Variants in SCUBE2 observed in about 807,000 individuals in gnomAD.
SCUBE2 encodes signal peptide, CUB domain and EGF like domain containing 2, also known as signal peptide, CUB and EGF-like domain-containing protein 2.
SCUBE2 carries 114 observed loss-of-function variants against 125.9 expected under a neutral mutation model. The observed-to-expected ratio is 0.91, with a 90% confidence interval of 0.78 to 1.06. The LOEUF (loss-of-function observed/expected upper bound fraction) is 1.06. SCUBE2 is among the 50% of genes least tolerant of loss of function. SCUBE2 has a pLI of 0.00. For missense variants in SCUBE2, 1,255 were observed against 1,301.8 expected, an observed-to-expected ratio of 0.96 and a Z score of 0.55; for synonymous variants, 459 against 492.9, an observed-to-expected ratio of 0.93 and a Z score of 0.91.
At chr11:9,045,256 A>G (rs568612790) in intron 16 of SCUBE2, among the ~76,000 whole-genome samples, 2 of 152,262 alleles carry the variant, frequency 1.3e-5, no homozygotes, top group South Asian at 4.1e-4. Context: ...AGCAAACTAT[A>G]ACAGTGATTA....
rs756779760 is a variant in SCUBE2 at position 9,069,508 on chromosome 11, A to G, written c.518-13T>C. On this transcript the variant is annotated splice_polypyrimidine_tract_variant and intron_variant, in intron 4 of 22. Coordinates refer to ENST00000649792, the MANE Select transcript of SCUBE2 (RefSeq NM_001367977.2). ...CAGCTCAGGCCCTCTGAAAAACAGC[A>G]GTGTGCGACAGGTGACTAGGCTGTG... is the stretch of plus-strand genomic sequence containing the variant. 2.5e-6 allele frequency: 4 copies of G among 1,613,996 alleles called. No individual in the cohort carries two copies. The South Asian group carries it at 4.4e-5, about 18-fold the overall frequency.
At chr11:9,033,513 G>C in intron 17 of SCUBE2, 113 bp downstream of exon 17, 2 of 1,269,942 alleles carry the variant, frequency 1.6e-6, no homozygotes, top group Non-Finnish European at 1.1e-6. Context: ...CGTGGTCCCT[G>C]CTTGTAGGAA....
At chr11:9,064,407 A>C (rs558489283) in intron 7 of SCUBE2, 1 of 151,562 alleles carries the variant, frequency 6.6e-6, no homozygotes, top group East Asian at 1.9e-4. Context: ...CGGAGGTTGC[A>C]GTGAGATATG....
intron 6 of SCUBE2, 86 bp from the exon 7 acceptor site, chr11:9,066,066 G>T: frequency 1.1e-6 from 1 of 873,264 alleles, no homozygotes; most frequent in Non-Finnish European, 1.9e-6. Flanking sequence ...TGAAATCCCA[G>T]ACATAAGAGG....
At chr11:9,027,605 T>G in intron 19 of SCUBE2, 44 bp from the exon 20 acceptor site, 1 of 1,559,700 alleles carries the variant, frequency 6.4e-7, no homozygotes, top group Admixed American at 1.7e-5. Flanking sequence ...CACTGTCATC[T>G]CTGTCCTGAC....
At chr11:9,047,598 A>C (rs1356696382) in intron 15 of SCUBE2, 36 bp from the exon 16 acceptor site, 1 of 1,597,526 alleles carries the variant, frequency 6.3e-7, no homozygotes, top group Admixed American at 1.7e-5. Flanking sequence ...GCGGGAGGAG[A>C]TCAGGCTGCA....
intron 20 of SCUBE2, chr11:9,026,091 GC>G (rs1280896233): frequency 2.1e-6 from 1 of 466,062 alleles, no homozygotes; most frequent in Non-Finnish European, 3.9e-6. Flanking sequence ...AGCAGCAGCA[GC>G]CCAGGCTGTA....
chr11:9,028,457 A>AC (rs1328731124), intron 19 of SCUBE2, among the ~76,000 whole-genome samples: 1 of 152,100 alleles, frequency 6.6e-6, no homozygotes, highest in African/African-American at 2.4e-5. Flanking sequence ...GCTTGCACAG[A>AC]CCCCTCCTTC....
chr11:9,052,267 A>G (rs1374397703), intron 13 of SCUBE2, among the ~76,000 whole-genome samples: 1 of 152,272 alleles, frequency 6.6e-6, no homozygotes, highest in Non-Finnish European at 1.5e-5. Flanking sequence ...CAATGACATA[A>G]TGACAAAGGC....
chr11:9,024,356 C>A, intron 21 of SCUBE2: 1 of 1,286,196 alleles, frequency 7.8e-7, no homozygotes, highest in Non-Finnish European at 1.0e-6. Context: ...TTTGGGTCCA[C>A]CCCAAGAGAT....
chr11:9,058,379 T>C lies in SCUBE2; in HGVS notation c.1090+924A>G, dbSNP rs755729207. Among the ~76,000 whole-genome samples the C allele has an allele frequency of 6.8e-4, 103 of 151,966 alleles. 1 individual carries two copies. The Middle Eastern group carries it at 0.02, about 30-fold the overall frequency. On this transcript the variant is annotated intron_variant, in intron 9 of 22. Coordinates refer to ENST00000649792, the MANE Select transcript of SCUBE2 (RefSeq NM_001367977.2). ...TTGGGAGGCCGAGGCAGGCAGATCA[T>C]GAGGTCAGGAGTTCAAGACCAGCCT... is the stretch of plus-strand genomic sequence containing the variant.
intron 13 of SCUBE2, among the ~76,000 whole-genome samples, chr11:9,051,303 C>T (rs767106910): frequency 8.5e-5 from 13 of 152,074 alleles, no homozygotes; most frequent in Admixed American, 3.9e-4. Context: ...ATAGCCTCCA[C>T]GGTGAAATAG....
chr11:9,091,259 G>T lies in SCUBE2; in HGVS notation c.133+137C>A. The T allele has an allele frequency of 1.8e-6, 1 of 548,820 alleles. No homozygotes were observed. The highest frequency in any genetic ancestry group is 2.6e-6 in the Non-Finnish European group (1 of 378,872). The allele number at this position is 548,820 out of a possible 1,614,324, so 34.0% of individuals were successfully genotyped here. A position where few individuals can be genotyped will look rare whatever the true frequency, so the allele number is the denominator to read the frequency against. The stretch of plus-strand genomic sequence containing the variant: ...CCCGGCCGGCGGGTGAGGTCCCGGG[G>T]GGAGCAGAGGCCCCCGCGGAGCTGC... On this transcript the variant is annotated intron_variant, in intron 1 of 22. Coordinates refer to ENST00000649792, the MANE Select transcript of SCUBE2 (RefSeq NM_001367977.2). The surrounding 1 kb of genome is among the most constrained non-coding windows in gnomAD (Gnocchi z 8.5).
At chr11:9,024,242 G>GTCTT in intron 21 of SCUBE2, 1 of 1,093,294 alleles carries the variant, frequency 9.1e-7, no homozygotes, top group East Asian at 6.9e-5. Context: ...AAGTCTCAGT[G>GTCTT]TCTTTTTGCT....
intron 13 of SCUBE2, among the ~76,000 whole-genome samples, chr11:9,051,421 C>A (rs1858402074): frequency 6.6e-6 from 1 of 152,178 alleles, no homozygotes; most frequent in Non-Finnish European, 1.5e-5. Flanking sequence ...TTCTCCTAAA[C>A]AAGCCCGTCG....
intron 9 of SCUBE2, 114 bp from the exon 10 acceptor site, chr11:9,056,023 A>T: frequency 1.3e-6 from 1 of 783,206 alleles, no homozygotes; most frequent in Non-Finnish European, 2.2e-6. Flanking sequence ...CACACAGAGT[A>T]AAAAACATTA....
chr11:9,090,942 A>C (rs1330507494), intron 1 of SCUBE2, among the ~76,000 whole-genome samples: 8 of 152,064 alleles, frequency 5.3e-5, no homozygotes, highest in Non-Finnish European at 1.0e-4. Context: ...CGCTGACAGA[A>C]AAGTCTCTGG....
chr11:9,051,931 C>A (rs2135453773), intron 13 of SCUBE2, among the ~76,000 whole-genome samples: 1 of 152,238 alleles, frequency 6.6e-6, no homozygotes, highest in Admixed American at 6.5e-5. Context: ...TTGAAAGGGG[C>A]AGTGAAGGAT....
chr11:9,044,425 T>C (rs1025635514), intron 16 of SCUBE2, among the ~76,000 whole-genome samples: 1 of 151,850 alleles, frequency 6.6e-6, no homozygotes, highest in African/African-American at 2.4e-5. Flanking sequence ...TGAGACAGAG[T>C]GTCACTATGT....
Sources: gnomAD v4.1 joint callset for allele counts (sites outside exome capture counted in the v4.1 genomes callset) on GRCh38, gnomAD v4.1.1 for gene constraint, Gnocchi (gnomAD v3.1) non-coding constraint, MANE v1.5 for transcripts, NCBI Gene and HGNC (gene_info 2026-07-23, HGNC 2026-07-21) for gene names.